The following RORA variants were observed in gnomAD, a reference collection of about 807,000 sequenced individuals.
The protein encoded by RORA is RAR related orphan receptor A, also known as nuclear receptor ROR-alpha.
In RORA, 7 loss-of-function variants were observed where a neutral mutation model predicts 69.5. The observed-to-expected ratio is 0.10, with a 90% CI of 0.06 to 0.19. The LOEUF is 0.19. Ranked by LOEUF, RORA falls within the 10% of genes least tolerant of loss-of-function variation. RORA has a pLI of 1.00. For synonymous variants in RORA, 261 were observed against 240.8 expected, an observed-to-expected ratio of 1.08 and a Z score of -0.78; for missense variants, 457 against 663.0, an observed-to-expected ratio of 0.69 and a Z score of 3.41.
In RORA at chr15:60,627,445, A is replaced by G; in HGVS notation, c.196+51212T>C. 5.6e-6 allele frequency: 9 copies of G among 1,598,468 alleles called. No individual in the cohort carries two copies. In the South Asian group the frequency reaches 9.1e-5, roughly 16 times the overall value. On this transcript the variant is annotated intron_variant, in intron 2 of 10. Transcript: ENST00000335670. ...TTTGCCCCAGTGTACTATGGAGTCC[A>G]AGGTGATCAGACAGATGGCTCCAAC... is the stretch of plus-strand genomic sequence containing the variant.
At chr15:60,776,484 G>A (rs2072168771) in intron 1 of RORA, among the ~76,000 whole-genome samples, 1 of 152,218 alleles carries the variant, frequency 6.6e-6, no homozygotes, top group South Asian at 2.1e-4. Flanking sequence ...GTGCTGGGGA[G>A]AAAGAAAGGA....
chr15:60,506,206 C>T (rs879663925), intron 5 of RORA, among the ~76,000 whole-genome samples: 1 of 152,124 alleles, frequency 6.6e-6, no homozygotes, highest in African/African-American at 2.4e-5. Flanking sequence ...CTGCTGCTTA[C>T]TAGCTGTGTG....
chr15:61,091,887 C>T (rs1595975948), intron 1 of RORA, among the ~76,000 whole-genome samples: 2 of 152,256 alleles, frequency 1.3e-5, no homozygotes, highest in South Asian at 4.1e-4. Flanking sequence ...TTAAAGTGGT[C>T]TTTTAAACTT....
intron 1 of RORA, among the ~76,000 whole-genome samples, chr15:60,695,652 G>A (rs548799115): frequency 2.6e-5 from 4 of 152,014 alleles, no homozygotes; most frequent in Non-Finnish European, 5.9e-5. Flanking sequence ...ACGGACGAAG[G>A]TCAGACAGCT....
At chr15:61,152,934 T>C (rs1025018826) in intron 1 of RORA, among the ~76,000 whole-genome samples, 8 of 152,140 alleles carry the variant, frequency 5.3e-5, no homozygotes, top group Non-Finnish European at 4.4e-5. Context: ...TTCATGGAGG[T>C]ACGGACAAAG....
rs1028704841 is a variant in RORA, at chr15:60,960,768, A to G, written c.166+268285T>C. 7.9e-5 allele frequency among the ~76,000 whole-genome samples: 12 copies of G among 151,868 alleles called. 1 individual carries two copies. Among genetic ancestry groups the G allele is most frequent in the Admixed American group, 6.6e-4 (10 of 15,238 alleles). On this transcript the variant is annotated intron_variant, in intron 1 of 10. Coordinates refer to ENST00000335670, the MANE Select transcript of RORA (RefSeq NM_134261.3). ...CTTGATCGCCTCTGGATTTTAACAC[A>G]TTCGCTTCACTCTAGACTGTTTCAC... is the stretch of plus-strand genomic sequence containing the variant.
intron 1 of RORA, among the ~76,000 whole-genome samples, chr15:61,217,792 C>A (rs1182989666): frequency 6.6e-6 from 1 of 152,128 alleles, no homozygotes; most frequent in Non-Finnish European, 1.5e-5. Context: ...ATATTCTAAG[C>A]CAGTCTAGGC....
At chr15:61,037,499 C>T (rs61625512) in intron 1 of RORA, among the ~76,000 whole-genome samples, 1,793 of 152,276 alleles carry the variant, frequency 0.012, 34 homozygotes, top group African/African-American at 0.04. Context: ...TGGGCACAGA[C>T]GCAGCCACAG....
chr15:60,841,996 A>G (rs963632283), intron 1 of RORA, among the ~76,000 whole-genome samples: 2 of 151,658 alleles, frequency 1.3e-5, no homozygotes, highest in Non-Finnish European at 2.9e-5. Context: ...CTCCCCTCGC[A>G]CTACAGTTTG....
At chr15:61,111,953 C>T (rs773745936) in intron 1 of RORA, among the ~76,000 whole-genome samples, 3 of 152,116 alleles carry the variant, frequency 2.0e-5, no homozygotes, top group East Asian at 1.9e-4. Context: ...ACTAATTTAT[C>T]GAGCAACCCT....
At chr15:60,562,977 G>C (rs546258105) in intron 2 of RORA, among the ~76,000 whole-genome samples, 2 of 152,266 alleles carry the variant, frequency 1.3e-5, no homozygotes, top group African/African-American at 4.8e-5. Flanking sequence ...GTTAATCCGA[G>C]TGTACAAGGC....
rs1340971846 is a variant in RORA at position 60,987,089 on chromosome 15, A to G, written c.166+241964T>C. 3.3e-5 allele frequency among the ~76,000 whole-genome samples: 5 copies of G among 152,242 alleles called. No individual in the cohort carries two copies. The East Asian group carries it at 9.6e-4, about 29-fold the overall frequency. ...TCTCCATGGAAAGACTGGTAATCAC[A>G]TAACAAGGGATATGATGATATTGGT... On this transcript the variant is annotated intron_variant, in intron 1 of 10. Coordinates refer to ENST00000335670, the MANE Select transcript of RORA (RefSeq NM_134261.3).
chr15:60,567,284 T>C (rs889584611), intron 2 of RORA, among the ~76,000 whole-genome samples: 3 of 151,602 alleles, frequency 2.0e-5, no homozygotes, highest in Non-Finnish European at 4.4e-5. Flanking sequence ...ATATGTGCCG[T>C]CCAGCGGTCC....
chr15:60,818,883 G>C (rs973604861), intron 1 of RORA, among the ~76,000 whole-genome samples: 8 of 152,202 alleles, frequency 5.3e-5, no homozygotes, highest in African/African-American at 1.9e-4. Flanking sequence ...TTCCACGATG[G>C]TTTGGGGCAG....
At chr15:61,027,543 A>G (rs1240978456) in intron 1 of RORA, among the ~76,000 whole-genome samples, 6 of 152,324 alleles carry the variant, frequency 3.9e-5, no homozygotes, top group South Asian at 2.1e-4. Flanking sequence ...GGACTCAGGG[A>G]AAGTAAATAA....
intron 1 of RORA, among the ~76,000 whole-genome samples, chr15:60,805,186 C>T (rs2072643123): frequency 6.6e-6 from 1 of 152,204 alleles, no homozygotes; most frequent in Non-Finnish European, 1.5e-5. Flanking sequence ...CACCATGACG[C>T]CACTCTCCTC....
chr15:61,221,379 C>T (rs2080094513), intron 1 of RORA, among the ~76,000 whole-genome samples: 1 of 152,132 alleles, frequency 6.6e-6, no homozygotes, highest in Non-Finnish European at 1.5e-5. Context: ...TCATTTCCCC[C>T]TCATTCTATT....
chr15:60,836,581 C>T (rs769660584), intron 1 of RORA, among the ~76,000 whole-genome samples: 2 of 152,172 alleles, frequency 1.3e-5, no homozygotes, highest in African/African-American at 2.4e-5. Context: ...GCTCCCTCTC[C>T]GATGGCTCCC....
chr15:61,013,524 G>A (rs1454659738), intron 1 of RORA, among the ~76,000 whole-genome samples: 1 of 152,104 alleles, frequency 6.6e-6, no homozygotes, highest in East Asian at 1.9e-4. Flanking sequence ...ATGTCTACAG[G>A]ATTAGTGTGT....
Sources: allele counts gnomAD v4.1 joint callset (sites outside exome capture counted in the v4.1 genomes callset), GRCh38; gene constraint gnomAD v4.1.1; transcripts MANE v1.5; gene names NCBI Gene and HGNC (gene_info 2026-07-23, HGNC 2026-07-21).